The following PUDP variants were observed in gnomAD, a reference collection of about 807,000 sequenced individuals.
PUDP encodes pseudouridine 5'-phosphatase.
Under a neutral mutation model 9.4 loss-of-function variants are expected in PUDP, and 8 were observed. The ratio of observed to expected loss-of-function variants is 0.85; its 90% CI spans 0.50 to 1.53. The LOEUF is 1.53. Among genes scored for constraint, PUDP ranks in the 40% most tolerant of loss-of-function variants. The pLI, the probability that PUDP is intolerant of heterozygous loss-of-function variation, is 0.00. For missense variants in PUDP, 188 were observed against 189.7 expected (o/e 0.99, Z 0.05); for synonymous variants, 99 against 80.7 (o/e 1.23, Z -1.22).
chrX:6,860,134 G>T (rs920325206), intron 3 of PUDP, among the ~76,000 whole-genome samples: 1 of 111,383 alleles, frequency 9.0e-6, no homozygotes, highest in African/African-American at 3.3e-5. Context: ...TCAGTTTCAA[G>T]CCCATGTTCT....
chrX:6,851,138 G>A (rs1021905442), intron 3 of PUDP, among the ~76,000 whole-genome samples: 3 of 111,802 alleles, frequency 2.7e-5, no homozygotes, highest in East Asian at 2.8e-4. Context: ...GAAAAATCAC[G>A]TTTATATGAA....
intron 1 of PUDP, among the ~76,000 whole-genome samples, chrX:7,001,653 G>C (rs1254218585): frequency 9.0e-6 from 1 of 111,548 alleles, no homozygotes; most frequent in Non-Finnish European, 1.9e-5. Context: ...ATCGAGATCA[G>C]AGAAACAGAC....
At chrX:7,012,081 C>T (rs940860112) in intron 1 of PUDP, among the ~76,000 whole-genome samples, 5 of 111,983 alleles carry the variant, frequency 4.5e-5, no homozygotes, top group East Asian at 2.8e-4. Flanking sequence ...TGTATAACAC[C>T]GTTAGAGTAA....
intron 1 of PUDP, among the ~76,000 whole-genome samples, chrX:6,718,181 A>T (rs1276068565): frequency 8.9e-6 from 1 of 111,733 alleles, no homozygotes; most frequent in Non-Finnish European, 1.9e-5. Context: ...GGAAAACAAT[A>T]TGGAGATTTC....
At chrX:6,767,722 G>A (rs770113318) in intron 3 of PUDP, among the ~76,000 whole-genome samples, 1 of 112,231 alleles carries the variant, frequency 8.9e-6, no homozygotes, top group South Asian at 3.7e-4. Context: ...CTTGGAGAAT[G>A]AGGAATGGGA....
In PUDP at chrX:6,754,650, ATATTT is replaced by A. The variant is rs773416312; in HGVS notation, c.*248-48189_*248-48185del. On this transcript the variant is annotated intron_variant and NMD_transcript_variant, in intron 3 of 3. Coordinates refer to the PUDP transcript ENST00000655425. ...CATAGTTTATAAAATATTATATATT[ATATTT>A]ATTATAGCTTTATACATAATTTAGC... is the stretch of plus-strand genomic sequence containing the variant. 3.5e-3 allele frequency among the ~76,000 whole-genome samples: 378 copies of A among 109,086 alleles called. 1 individual carries two copies. The highest frequency in any genetic ancestry group is 5.4e-3 in the Non-Finnish European group (286 of 52,784). The allele number at this position is 109,086 out of a possible 115,157, so 94.7% of individuals were successfully genotyped here.
intron 3 of PUDP, among the ~76,000 whole-genome samples, chrX:7,062,967 A>G (rs1391089178): frequency 5.9e-5 from 5 of 84,852 alleles, no homozygotes; most frequent in African/African-American, 1.4e-4. Flanking sequence ...CAAATGTTTT[A>G]TTCTGCAATG....
intron 1 of PUDP, among the ~76,000 whole-genome samples, chrX:6,990,518 C>T (rs926427022): frequency 8.9e-6 from 1 of 112,223 alleles, no homozygotes; most frequent in Non-Finnish European, 1.9e-5. Flanking sequence ...TTCCAGTTTC[C>T]TCCTTCACCT....
intron 3 of PUDP, among the ~76,000 whole-genome samples, chrX:6,848,048 T>A (rs748388223): frequency 8.9e-6 from 1 of 112,322 alleles, no homozygotes; most frequent in East Asian, 2.8e-4. Context: ...CCCGTGCATG[T>A]GCTTTCTACC....
intron 1 of PUDP, among the ~76,000 whole-genome samples, chrX:7,030,011 C>G (rs1478853373): frequency 4.6e-5 from 5 of 109,772 alleles, no homozygotes; most frequent in Non-Finnish European, 1.9e-5. Flanking sequence ...GTGTCTTGCC[C>G]CATTCCAATT....
chrX:7,076,763 C>T (rs988769791), intron 3 of PUDP, among the ~76,000 whole-genome samples: 2 of 112,112 alleles, frequency 1.8e-5, no homozygotes, highest in Non-Finnish European at 3.8e-5. Flanking sequence ...CGTCACTACA[C>T]AAGCAAAAAC....
At chrX:6,955,361 C>T (rs6638644) in intron 3 of PUDP, among the ~76,000 whole-genome samples, 23,100 of 110,058 alleles carry the variant, frequency 0.21, 1,961 homozygotes, top group Admixed American at 0.35. Flanking sequence ...GCTGGGACTA[C>T]AGGTGCATGC....
chrX:7,055,586 C>T (rs762418314), intron 3 of PUDP, among the ~76,000 whole-genome samples: 8 of 111,071 alleles, frequency 7.2e-5, no homozygotes, highest in Non-Finnish European at 1.1e-4. Context: ...CTTTAGACTT[C>T]GTTACACCCA....
At chrX:6,750,851 C>G (rs1425837797) in intron 3 of PUDP, among the ~76,000 whole-genome samples, 2 of 111,686 alleles carry the variant, frequency 1.8e-5, no homozygotes, top group African/African-American at 6.5e-5. Context: ...TTCAGAAATA[C>G]AATTGCGGCC....
intron 2 of PUDP, among the ~76,000 whole-genome samples, chrX:7,084,232 C>A (rs1218047901): frequency 2.7e-5 from 3 of 112,124 alleles, no homozygotes; most frequent in African/African-American, 9.7e-5. Flanking sequence ...GCAGTTATTG[C>A]GGTTGTATGT....
intron 2 of PUDP, among the ~76,000 whole-genome samples, chrX:7,080,074 C>T (rs962753930): frequency 1.8e-5 from 2 of 111,954 alleles, no homozygotes; most frequent in African/African-American, 6.5e-5. Context: ...AATTAGTAGA[C>T]TCCTAGCTAA....
intron 1 of PUDP, among the ~76,000 whole-genome samples, chrX:7,146,838 T>G (rs983677631): frequency 4.7e-5 from 2 of 42,888 alleles, no homozygotes; most frequent in African/African-American, 3.4e-4. Flanking sequence ...CTGCAGGGTT[T>G]TTTTTTTTTT....
intron 3 of PUDP, among the ~76,000 whole-genome samples, chrX:6,802,772 C>A (rs992459993): frequency 2.8e-5 from 3 of 108,934 alleles, no homozygotes; most frequent in Non-Finnish European, 5.7e-5. Flanking sequence ...GTAATCCCAG[C>A]TAATCCAGAG....
intron 2 of PUDP, among the ~76,000 whole-genome samples, chrX:6,978,064 C>A (rs1240174418): frequency 1.8e-5 from 2 of 112,326 alleles, no homozygotes; most frequent in Non-Finnish European, 3.8e-5. Context: ...ATTCCTCACA[C>A]AGAAGATGCC....
Sources: allele counts gnomAD v4.1 joint callset (sites outside exome capture counted in the v4.1 genomes callset), GRCh38; gene constraint gnomAD v4.1.1; transcripts MANE v1.5; gene names NCBI Gene and HGNC (gene_info 2026-07-23, HGNC 2026-07-21).